FAM89B: variants seen among roughly 807,000 people sequenced by gnomAD.
FAM89B encodes family with sequence similarity 89 member B.
In FAM89B, 9 loss-of-function variants were observed where a neutral mutation model predicts 13.4. The observed-to-expected ratio is 0.67, with a 90% CI of 0.40 to 1.17. The LOEUF (loss-of-function observed/expected upper bound fraction) is 1.17, where lower values mean the gene tolerates loss of function less well. FAM89B is among the 50% of genes most tolerant of loss of function. FAM89B has a pLI of 0.01. For synonymous variants in FAM89B, 138 were observed against 121.2 expected, an observed-to-expected ratio of 1.14 and a Z score of -0.91; for missense variants, 256 against 256.1, an observed-to-expected ratio of 1.00 and a Z score of 0.00.
At position 65,572,964 on chromosome 11, in the gene FAM89B, AGTGG is replaced by A; in HGVS notation, c.291+10_291+13del. 1 of 1,222,440 alleles carries A rather than the reference AGTGG, an allele frequency of 8.2e-7. No individual in the cohort carries two copies. Among genetic ancestry groups the A allele is most frequent in the Non-Finnish European group, 1.0e-6 (1 of 981,552 alleles). The allele number at this position is 1,222,440 out of a possible 1,614,324, so 75.7% of individuals were successfully genotyped here. On this transcript the variant is annotated splice_donor_5th_base_variant and intron_variant, in intron 1 of 1. Coordinates refer to ENST00000530349, the MANE Select transcript of FAM89B (RefSeq NM_001098785.2). ...GGCCGCGCTGCGCAAGGAGATGGTGAGTGGGTGGGCGCCGGGCCAGCTGGGCGGG... is the reference window on the plus strand; with the variant it reads ...GGCCGCGCTGCGCAAGGAGATGGTGAGTGGGCGCCGGGCCAGCTGGGCGGG...
chr11:65,572,958 A>C lies in FAM89B; in HGVS notation c.289A>C (p.Met97Leu). The change falls in exon 1 of 2, where the codon ATG becomes CTG. Residue 97 changes from methionine to leucine, a missense_variant and splice_region_variant. Physicochemically the swap from Met to Leu is conservative, Grantham distance 15. Transcript: ENST00000530349. ...DSALAALRKE[M>L]VGLRQLDMSL... ...AGCGCTGGCCGCGCTGCGCAAGGAG[A>C]TGGTGAGTGGGTGGGCGCCGGGCCA... The C allele has an allele frequency of 8.2e-7, 1 of 1,222,120 alleles. No individual in the cohort carries two copies. Among genetic ancestry groups the C allele is most frequent in the African/African-American group, 1.6e-5 (1 of 63,816 alleles). 75.7% of individuals were successfully genotyped at this position (1,222,120 alleles called of 1,614,324 possible). A position where few individuals can be genotyped will look rare whatever the true frequency, so the allele number is the denominator to read the frequency against.
rs1426884528 is a variant in FAM89B, at chr11:65,573,738, C to G, written c.*97C>G. ...TTCGGAGCCTGCGCCTTCCCCCCTA[C>G]CGCCTCACCTCACAGGAGGGCCAGG... On this transcript the variant is annotated 3_prime_UTR_variant, in exon 2 of 2. Coordinates refer to ENST00000530349, the MANE Select transcript of FAM89B (RefSeq NM_001098785.2). The G allele has an allele frequency of 7.2e-7, 1 of 1,386,272 alleles. No individual in the cohort carries two copies. The highest frequency in any genetic ancestry group is 9.7e-7 in the Non-Finnish European group (1 of 1,030,708). The allele number at this position is 1,386,272 out of a possible 1,614,324, so 85.9% of individuals were successfully genotyped here.
Position 65,573,658 on chromosome 11 carries a change from G to A in FAM89B, c.*17G>A. The A allele has an allele frequency of 4.4e-6, 7 of 1,579,022 alleles. No homozygotes were observed. Among genetic ancestry groups the A allele is most frequent in the Non-Finnish European group, 6.0e-6 (7 of 1,165,318 alleles). On this transcript the variant is annotated 3_prime_UTR_variant, in exon 2 of 2. Coordinates refer to ENST00000530349, the MANE Select transcript of FAM89B (RefSeq NM_001098785.2). ...AGCCTCTGAAGGGCTGGGGGGCAGG[G>A]GGCATGCACCCATGCAAAAGGCTCA...
In FAM89B at chr11:65,572,817, C is replaced by T. The variant is rs1268931733; in HGVS notation, c.148C>T (p.Arg50Cys). 2 of 1,206,948 alleles carry T rather than the reference C, an allele frequency of 1.7e-6. No homozygotes were observed. Among genetic ancestry groups the T allele is most frequent in the African/African-American group, 1.6e-5 (1 of 62,586 alleles). 74.8% of individuals were successfully genotyped at this position (1,206,948 alleles called of 1,614,324 possible). ...ELERVYSQRS[R>C]IHDELSRAAR... is the part of the protein sequence containing the mutation. ...GGAGCGCGTCTACAGCCAGCGCAGC[C>T]GCATCCACGACGAGCTGAGCCGCGC... Residue 50 changes from arginine to cysteine, a missense_variant, in exon 1 of 2, where the codon CGC (arginine) becomes TGC (cysteine). Coordinates refer to ENST00000530349, the MANE Select transcript of FAM89B (RefSeq NM_001098785.2).
In FAM89B at chr11:65,573,635, C is replaced by T; in HGVS notation, c.564C>T (p.Ser188=). ...GGCTGCAGGATGCCTTCCACATCAG[C>T]CTCTGAAGGGCTGGGGGGCAGGGGG... ...DQWLQDAFHI[S]L The change falls in exon 2 of 2, where the codon AGC becomes AGT. Residue 188 remains serine, a synonymous_variant. Transcript: ENST00000530349. 1 of 1,603,866 alleles carries T rather than the reference C, an allele frequency of 6.2e-7. No homozygotes were observed. The highest frequency in any genetic ancestry group is 1.1e-5 in the South Asian group (1 of 90,834).
At position 65,572,633 on chromosome 11, in the gene FAM89B, G is replaced by A. The variant is rs979171094; in HGVS notation, c.-37G>A. 5 of 1,187,670 alleles carry A rather than the reference G, an allele frequency of 4.2e-6. No homozygotes were observed. The African/African-American group carries it at 8.1e-5, about 19-fold the overall frequency. 73.6% of individuals were successfully genotyped at this position (1,187,670 alleles called of 1,614,324 possible). A position where few individuals can be genotyped will look rare whatever the true frequency, so the allele number is the denominator to read the frequency against. The stretch of plus-strand genomic sequence containing the variant: ...GGCGGCCCGGGCGGAGCGTTGGAGG[G>A]AAGGAGGTGGCATCGCCGTCCGCGC... On this transcript the variant is annotated 5_prime_UTR_variant, in exon 1 of 2. Coordinates refer to ENST00000530349, the MANE Select transcript of FAM89B (RefSeq NM_001098785.2).
In FAM89B at chr11:65,572,767, C is replaced by G. The variant is rs1857154876; in HGVS notation, c.98C>G (p.Ala33Gly). ...CGCGGCCTCAGCGGCCTCCTTAATG[C>G]GAGCGGGGGCTCGTGGCGGGAGCTG... ...LPRGLSGLLN[A>G]SGGSWRELER... Residue 33 changes from alanine (A) to glycine (G), a missense_variant, in exon 1 of 2, where the codon GCG becomes GGG. By Grantham distance (60) the Ala-to-Gly change is moderately conservative. Transcript: ENST00000530349. 4.2e-6 allele frequency: 5 copies of G among 1,196,276 alleles called. No individual in the cohort carries two copies. Among genetic ancestry groups the G allele is most frequent in the Non-Finnish European group, 5.2e-6 (5 of 959,156 alleles). 74.1% of individuals were successfully genotyped at this position (1,196,276 alleles called of 1,614,324 possible).
Position 65,573,047 on chromosome 11 carries a change from G to A in FAM89B, c.291+87G>A, listed in dbSNP as rs1195836828. ...GGGACAGGCGGCCTGGGTCTCAGAG[G>A]ACTTGCAGGCACCAGTTGGGTTGCA... On this transcript the variant is annotated intron_variant, in intron 1 of 1. Transcript: ENST00000530349. 2.5e-6 allele frequency: 3 copies of A among 1,178,036 alleles called. No individual in the cohort carries two copies. The African/African-American group carries it at 4.8e-5, about 19-fold the overall frequency. 73.0% of individuals were successfully genotyped at this position (1,178,036 alleles called of 1,614,324 possible).
Position 65,573,514 on chromosome 11 carries a change from C to T in FAM89B, c.443C>T (p.Ala148Val), listed in dbSNP as rs774914057. 5.6e-6 allele frequency: 9 copies of T among 1,614,002 alleles called. No individual in the cohort carries two copies. In the African/African-American group the frequency reaches 8.0e-5, roughly 14 times the overall value. Reference sequence around the variant, plus strand: ...TCGGACAGCTCCTACCCACCGGATGCGGGCCTGTCTGACGACGAGGAGCCT... The same window carrying T: ...TCGGACAGCTCCTACCCACCGGATGTGGGCCTGTCTGACGACGAGGAGCCT... ...LHSDSSYPPD[A>V]GLSDDEEPPD... Residue 148 changes from alanine (A) to valine (V), a missense_variant, in exon 2 of 2, where the codon GCG (alanine) becomes GTG (valine). Coordinates refer to ENST00000530349, the MANE Select transcript of FAM89B (RefSeq NM_001098785.2).
rs543598842 is a variant in FAM89B at position 65,573,934 on chromosome 11, G to A, written c.*293G>A. 7.7e-5 allele frequency: 27 copies of A among 351,540 alleles called. No individual in the cohort carries two copies. Among genetic ancestry groups the A allele is most frequent in the African/African-American group, 5.5e-4 (26 of 47,492 alleles). 21.8% of individuals were successfully genotyped at this position (351,540 alleles called of 1,614,324 possible). A position where few individuals can be genotyped will look rare whatever the true frequency, so the allele number is the denominator to read the frequency against. ...CCTCAGCCTTGCGGTGGGGCCCGAA[G>A]CATCTTCCCTTCCGCTTGGCGTCTC... On this transcript the variant is annotated 3_prime_UTR_variant, in exon 2 of 2. Transcript: ENST00000530349.
rs1458727275 is a variant in FAM89B, at chr11:65,572,873, CGCCGGCGCCGCCAACGCGGGACCCGCA to C, written c.211_237del (p.Ala71_Gly79del). 1.1e-5 allele frequency: 13 copies of C among 1,200,298 alleles called. No homozygotes were observed. The highest frequency in any genetic ancestry group is 3.3e-4 in the Middle Eastern group (1 of 3,028). 74.4% of individuals were successfully genotyped at this position (1,200,298 alleles called of 1,614,324 possible). ...GCGCCCCGGACGGGCCCCGCCACGCCGCCGGCGCCGCCAACGCGGGACCCGCAGCCGGCCCGCGTCGTCCTGTCAACC... is the reference window on the plus strand; with the variant it reads ...GCGCCCCGGACGGGCCCCGCCACGCCGCCGGCCCGCGTCGTCCTGTCAACC... On this transcript the variant is annotated inframe_deletion, in exon 1 of 2. Transcript: ENST00000530349.
chr11:65,573,467 G>C lies in FAM89B; in HGVS notation c.396G>C (p.Gln132His). The C allele has an allele frequency of 6.2e-7, 1 of 1,614,108 alleles. No homozygotes were observed. The highest frequency in any genetic ancestry group is 1.3e-5 in the African/African-American group (1 of 75,032). The change falls in exon 2 of 2, where the codon CAG becomes CAC. Residue 132 changes from glutamine (Q) to histidine (H), a missense_variant. By Grantham distance (24) the Gln-to-His change is conservative (BLOSUM62 0). Coordinates refer to ENST00000530349, the MANE Select transcript of FAM89B (RefSeq NM_001098785.2). ...TGTGCCAAGACCTGAGCTTCTGCCA[G>C]GACCTGTCATCCTCCCTCCATTCGG... ...KHLCQDLSFC[Q>H]DLSSSLHSDS...
At chr11:65,573,016 G>A in intron 1 of FAM89B, 56 bp downstream of exon 1, 1 of 1,218,452 alleles carries the variant, frequency 8.2e-7, no homozygotes, top group Non-Finnish European at 1.0e-6. Context: ...AGGAACGCAG[G>A]GGACTGGGAC....
chr11:65,573,154 A>G (rs1857162945), intron 1 of FAM89B, among the ~76,000 whole-genome samples, 194 bp downstream of exon 1: 1 of 152,196 alleles, frequency 6.6e-6, no homozygotes, highest in Non-Finnish European at 1.5e-5. Flanking sequence ...TGCTGACGTT[A>G]CTTCATTTCA....
In FAM89B at chr11:65,572,933, A is replaced by C; in HGVS notation, c.264A>C (p.Ser88=). The C allele has an allele frequency of 1.6e-6, 2 of 1,219,898 alleles. No individual in the cohort carries two copies. The highest frequency in any genetic ancestry group is 1.0e-6 in the Non-Finnish European group (1 of 981,360). 75.6% of individuals were successfully genotyped at this position (1,219,898 alleles called of 1,614,324 possible). A position where few individuals can be genotyped will look rare whatever the true frequency, so the allele number is the denominator to read the frequency against. Residue 88 remains serine, a synonymous_variant, in exon 1 of 2, where the codon TCA becomes TCC. Transcript: ENST00000530349. ...AGPRRPVNLD[S]ALAALRKEMV... is the part of the protein sequence containing the mutation. ...CGCGTCGTCCTGTCAACCTCGACTC[A>C]GCGCTGGCCGCGCTGCGCAAGGAGA...
chr11:65,573,281 G>C, intron 1 of FAM89B, 82 bp from the exon 2 acceptor site: 1 of 1,423,776 alleles, frequency 7.0e-7, no homozygotes, highest in Non-Finnish European at 9.2e-7. Context: ...GGGAAGATGG[G>C]CTGGGGCCCA....
At chr11:65,573,236 C>T in intron 1 of FAM89B, 127 bp from the exon 2 acceptor site, 3 of 1,199,442 alleles carry the variant, frequency 2.5e-6, no homozygotes, top group African/African-American at 3.1e-5. Flanking sequence ...CAGGTGGTGC[C>T]TGATGTCCAC....
rs1237320647 is a variant in FAM89B at position 65,572,604 on chromosome 11, G to A, written c.-66G>A. 11 of 1,220,530 alleles carry A rather than the reference G, an allele frequency of 9.0e-6. No homozygotes were observed. The highest frequency in any genetic ancestry group is 3.0e-6 in the Non-Finnish European group (3 of 985,280). 75.6% of individuals were successfully genotyped at this position (1,220,530 alleles called of 1,614,324 possible). A position where few individuals can be genotyped will look rare whatever the true frequency, so the allele number is the denominator to read the frequency against. On this transcript the variant is annotated 5_prime_UTR_variant, in exon 1 of 2. Transcript: ENST00000530349. ...CGGGGCCGCGGGGTGCGGGGCCTGC[G>A]GGCGGCGGCCCGGGCGGAGCGTTGG...
rs925004942 is a variant in FAM89B at position 65,572,858 on chromosome 11, C to T, written c.189C>T (p.Asp63=). ...DELSRAARAP[D]GPRHAAGAAN... ...TGAGCCGCGCCGCCCGCGCCCCGGA[C>T]GGGCCCCGCCACGCCGCCGGCGCCG... Residue 63 remains aspartate (D), a synonymous_variant, in exon 1 of 2, where the codon GAC becomes GAT. Coordinates refer to ENST00000530349, the MANE Select transcript of FAM89B (RefSeq NM_001098785.2). The T allele has an allele frequency of 1.1e-5, 13 of 1,191,848 alleles. No homozygotes were observed. In the Admixed American group the frequency reaches 1.8e-4, roughly 17 times the overall value. The allele number at this position is 1,191,848 out of a possible 1,614,324, so 73.8% of individuals were successfully genotyped here.
Sources: gnomAD v4.1 joint callset for allele counts (sites outside exome capture counted in the v4.1 genomes callset) on GRCh38, gnomAD v4.1.1 for gene constraint, MANE v1.5 for transcripts, NCBI Gene and HGNC (gene_info 2026-07-23, HGNC 2026-07-21) for gene names.